Variants in GPC6 observed in about 807,000 individuals in gnomAD.
The protein encoded by GPC6 is glypican-6.
GPC6 carries 14 observed loss-of-function variants against 55.2 expected under a neutral mutation model. The ratio of observed to expected loss-of-function variants is 0.25; its 90% CI spans 0.17 to 0.40. The LOEUF (loss-of-function observed/expected upper bound fraction) is 0.40, where lower values mean the gene tolerates loss of function less well. Among genes scored for constraint, GPC6 ranks in the 10% least tolerant of loss-of-function variants. The pLI, the probability that GPC6 is intolerant of heterozygous loss-of-function variation, is 1.00. For synonymous variants in GPC6, 278 were observed against 259.6 expected (o/e 1.07, Z -0.68); for missense variants, 641 against 708.5 (o/e 0.90, Z 1.08).
intron 2 of GPC6, among the ~76,000 whole-genome samples, chr13:93,715,687 T>C (rs1187099654): frequency 6.6e-6 from 1 of 151,692 alleles, no homozygotes; most frequent in Non-Finnish European, 1.5e-5. Flanking sequence ...AGTTTAATTG[T>C]AAGCTATGCG....
chr13:94,230,683 C>G (rs566782352), intron 4 of GPC6, among the ~76,000 whole-genome samples: 12 of 152,302 alleles, frequency 7.9e-5, no homozygotes, highest in African/African-American at 2.9e-4. Context: ...TCAGACTCAT[C>G]TCAGAGGATT....
intron 4 of GPC6, among the ~76,000 whole-genome samples, chr13:94,150,223 A>G (rs1404479589): frequency 6.6e-6 from 1 of 151,978 alleles, no homozygotes; most frequent in Non-Finnish European, 1.5e-5. Context: ...TTTCCTTAGC[A>G]TCTCTGGAAC....
chr13:93,901,853 A>C (rs1876371417), intron 3 of GPC6, among the ~76,000 whole-genome samples: 1 of 150,792 alleles, frequency 6.6e-6, no homozygotes, highest in South Asian at 2.1e-4. Context: ...GTGAGCTGAG[A>C]TCACGCCACT....
chr13:93,492,195 C>G (rs942432813), intron 1 of GPC6, among the ~76,000 whole-genome samples: 7 of 146,284 alleles, frequency 4.8e-5, no homozygotes, highest in African/African-American at 7.7e-5. Context: ...CTTTTATTTC[C>G]TTGAGCAGTG....
intron 3 of GPC6, among the ~76,000 whole-genome samples, chr13:93,850,493 T>C (rs992229896): frequency 6.6e-6 from 1 of 151,990 alleles, no homozygotes; most frequent in African/African-American, 2.4e-5. Context: ...AATGAAGATA[T>C]GAAAATTCAC....
At position 94,090,380 on chromosome 13, in the gene GPC6, A is replaced by T. The variant is rs145421434; in HGVS notation, c.877+62486A>T. The stretch of plus-strand genomic sequence containing the variant: ...GGTGGAGAGACAGCCAAACCATATC[A>T]TTATCATTTCTATTAGCATGAGACA... On this transcript the variant is annotated intron_variant, in intron 4 of 8. Coordinates refer to ENST00000377047, the MANE Select transcript of GPC6 (RefSeq NM_005708.5). Among the ~76,000 whole-genome samples the T allele has an allele frequency of 2.0e-5, 3 of 152,286 alleles. No homozygotes were observed. In the East Asian group the frequency reaches 5.8e-4, roughly 29 times the overall value.
chr13:93,819,240 A>C (rs985460142), intron 2 of GPC6, among the ~76,000 whole-genome samples: 15 of 152,258 alleles, frequency 9.9e-5, no homozygotes, highest in African/African-American at 3.4e-4. Context: ...TTTAGCAAAA[A>C]ACTAGCTTTG....
In GPC6 at chr13:93,492,002, G is replaced by A. The variant is rs1181363947; in HGVS notation, c.161-53261G>A. ...TGGCTTAGGATTGACTTGGCGATGC[G>A]GTCTCTTTTTTGGTTCCATATGAAC... is the stretch of plus-strand genomic sequence containing the variant. On this transcript the variant is annotated intron_variant, in intron 1 of 8. Coordinates refer to ENST00000377047, the MANE Select transcript of GPC6 (RefSeq NM_005708.5). Among the ~76,000 whole-genome samples the A allele has an allele frequency of 1.4e-4, 19 of 137,162 alleles. No homozygotes were observed. The East Asian group carries it at 3.6e-3, about 26-fold the overall frequency. The allele number at this position is 137,162 out of a possible 152,430, so 90.0% of individuals were successfully genotyped here.
At chr13:94,153,485 C>T (rs117476836) in intron 4 of GPC6, among the ~76,000 whole-genome samples, 1 of 152,182 alleles carries the variant, frequency 6.6e-6, no homozygotes, top group Non-Finnish European at 1.5e-5. Context: ...CTTATTTGAT[C>T]CCCTCACCAA....
chr13:93,765,800 C>T (rs1328179599), intron 2 of GPC6, among the ~76,000 whole-genome samples: 2 of 152,184 alleles, frequency 1.3e-5, no homozygotes, highest in Non-Finnish European at 2.9e-5. Context: ...AGAGAATTTT[C>T]ACTTCATGGA....
intron 1 of GPC6, among the ~76,000 whole-genome samples, chr13:93,518,446 G>A (rs1196562880): frequency 6.6e-6 from 1 of 151,720 alleles, no homozygotes; most frequent in Non-Finnish European, 1.5e-5. Context: ...CCCTACTACC[G>A]TCTTTGACAC....
intron 3 of GPC6, among the ~76,000 whole-genome samples, chr13:93,990,065 C>T (rs924860570): frequency 3.3e-5 from 5 of 151,542 alleles, no homozygotes; most frequent in African/African-American, 1.2e-4. Context: ...TGGAAATGTA[C>T]ATTTTTGGTT....
chr13:93,313,319 C>A lies in GPC6; in HGVS notation c.160+85703C>A, dbSNP rs77369534. On this transcript the variant is annotated intron_variant, in intron 1 of 8. Transcript: ENST00000377047. ...TTTTTTTTCCTTGGATAACTACTTCCAATCTAGTATTTGAATGGCAAACAA... is the reference window on the plus strand; with the variant it reads ...TTTTTTTTCCTTGGATAACTACTTCAAATCTAGTATTTGAATGGCAAACAA... Among the ~76,000 whole-genome samples the A allele has an allele frequency of 9.2e-5, 14 of 152,060 alleles. No individual in the cohort carries two copies. In the East Asian group the frequency reaches 2.7e-3, roughly 29 times the overall value.
At chr13:93,822,852 TA>T (rs199633512) in intron 2 of GPC6, among the ~76,000 whole-genome samples, 1 of 144,504 alleles carries the variant, frequency 6.9e-6, no homozygotes, top group African/African-American at 2.7e-5. Context: ...TTATTATTAT[TA>T]TTTTATTATT....
intron 1 of GPC6, among the ~76,000 whole-genome samples, chr13:93,532,030 T>C (rs2139414498): frequency 6.6e-6 from 1 of 152,358 alleles, no homozygotes; most frequent in East Asian, 1.9e-4. Context: ...TGCACTTTTC[T>C]ACAGATGTCA....
At chr13:94,123,726 G>A (rs1449965012) in intron 4 of GPC6, among the ~76,000 whole-genome samples, 1 of 152,004 alleles carries the variant, frequency 6.6e-6, no homozygotes, top group Non-Finnish European at 1.5e-5. Context: ...GGGGGAGGGG[G>A]TAAGATAGTT....
chr13:93,508,594 A>G (rs1880822584), intron 1 of GPC6, among the ~76,000 whole-genome samples: 1 of 152,248 alleles, frequency 6.6e-6, no homozygotes, highest in Non-Finnish European at 1.5e-5. Context: ...ATGTATTAAC[A>G]AAAGGTTTAC....
intron 3 of GPC6, among the ~76,000 whole-genome samples, chr13:93,944,494 A>G (rs985545757): frequency 1.3e-5 from 2 of 152,212 alleles, no homozygotes; most frequent in Admixed American, 6.5e-5. Flanking sequence ...ATGAGCCACC[A>G]CACCCAGCCC....
intron 3 of GPC6, among the ~76,000 whole-genome samples, chr13:94,009,358 T>C (rs1882149288): frequency 6.6e-6 from 1 of 152,198 alleles, no homozygotes; most frequent in South Asian, 2.1e-4. Context: ...GCAGACCTGC[T>C]TGCAAAGGAT....
Sources: allele counts gnomAD v4.1 joint callset (sites outside exome capture counted in the v4.1 genomes callset), GRCh38; gene constraint gnomAD v4.1.1; transcripts MANE v1.5; gene names NCBI Gene and HGNC (gene_info 2026-07-23, HGNC 2026-07-21).